The following MAML2 variants were observed in gnomAD, a reference collection of about 807,000 sequenced individuals.
The protein encoded by MAML2 is mastermind like transcriptional coactivator 2.
In MAML2, 22 loss-of-function variants were observed where a neutral mutation model predicts 96.1. That is an observed-to-expected ratio of 0.23 (90% CI 0.16 to 0.33). MAML2 has a LOEUF of 0.33. Ranked by LOEUF, MAML2 falls within the 10% of genes least tolerant of loss-of-function variation. The probability of loss-of-function intolerance (pLI) is 1.00; values close to 1 mark genes in which losing one functional copy is unlikely to be tolerated. For missense variants in MAML2, 1,367 were observed against 1,392.4 expected (o/e 0.98, Z 0.29); for synonymous variants, 561 against 521.3 (o/e 1.08, Z -1.04).
intron 1 of MAML2, among the ~76,000 whole-genome samples, chr11:96,279,077 G>T (rs966555846): frequency 1.3e-5 from 2 of 151,920 alleles, no homozygotes; most frequent in African/African-American, 4.8e-5. Flanking sequence ...TTCTGGTTAG[G>T]ATAAAAGACT....
chr11:96,050,670 T>C (rs968364225), intron 2 of MAML2, among the ~76,000 whole-genome samples: 2 of 152,196 alleles, frequency 1.3e-5, no homozygotes, highest in Non-Finnish European at 2.9e-5. Context: ...GGAGGAACTA[T>C]AAATGAACTG....
intron 3 of MAML2, among the ~76,000 whole-genome samples, chr11:95,989,892 G>T (rs966262922): frequency 9.9e-5 from 15 of 152,172 alleles, no homozygotes; most frequent in Admixed American, 8.5e-4. Flanking sequence ...CTTTAAAAGT[G>T]TGGTTGTTAT....
chr11:96,318,182 T>C (rs1389159558), intron 1 of MAML2, among the ~76,000 whole-genome samples: 1 of 152,192 alleles, frequency 6.6e-6, no homozygotes, highest in Non-Finnish European at 1.5e-5. Context: ...ATGTACCAGA[T>C]CCTGTAATAA....
At chr11:96,002,809 TG>T (rs1858107954) in intron 2 of MAML2, among the ~76,000 whole-genome samples, 1 of 135,848 alleles carries the variant, frequency 7.4e-6, no homozygotes, top group Admixed American at 7.8e-5. Context: ...ATGAAGATGA[TG>T]ATGGGGATGA....
At chr11:96,286,386 A>G (rs899891443) in intron 1 of MAML2, among the ~76,000 whole-genome samples, 6 of 152,218 alleles carry the variant, frequency 3.9e-5, no homozygotes, top group Admixed American at 6.5e-5. Context: ...TTTAATACCT[A>G]GGTGGTGGGT....
intron 1 of MAML2, among the ~76,000 whole-genome samples, chr11:96,256,410 T>G (rs1862669735): frequency 6.6e-6 from 1 of 152,148 alleles, no homozygotes; most frequent in African/African-American, 2.4e-5. Context: ...CGACCACATT[T>G]CTTCCTGCCC....
chr11:96,001,704 G>T (rs1028032923), intron 2 of MAML2, among the ~76,000 whole-genome samples: 1 of 152,062 alleles, frequency 6.6e-6, no homozygotes, highest in Non-Finnish European at 1.5e-5. Context: ...CTTGGATACA[G>T]CCTCTACACT....
At chr11:96,018,707 T>C (rs1033974824) in intron 2 of MAML2, among the ~76,000 whole-genome samples, 2 of 152,122 alleles carry the variant, frequency 1.3e-5, no homozygotes, top group African/African-American at 4.8e-5. Context: ...AGCAACTCTC[T>C]TGCCTCAGCC....
chr11:96,142,521 G>A (rs1006652483), intron 1 of MAML2, among the ~76,000 whole-genome samples: 4 of 152,148 alleles, frequency 2.6e-5, no homozygotes, highest in South Asian at 2.1e-4. Flanking sequence ...TAACCCTCAG[G>A]TTCCAGTACG....
rs749502756 is a variant in MAML2, at chr11:96,092,168, C to CTGCTGT, written c.1857_1862dup (p.Gln620_Gln621dup). 346 of 1,544,110 alleles carry CTGCTGT rather than the reference C, an allele frequency of 2.2e-4. 2 individuals carry two copies. In the African/African-American group the frequency reaches 4.3e-3, roughly 19 times the overall value. Reference sequence around the variant, plus strand: ...GCTGTTGTTGAGCTGAAATTGAACTCTGCTGTTGCTGTTGCTGTTGCTGTT... The same window carrying CTGCTGT: ...GCTGTTGTTGAGCTGAAATTGAACTCTGCTGTTGCTGTTGCTGTTGCTGTTGCTGTT... On this transcript the variant is annotated inframe_insertion, in exon 2 of 5. Transcript: ENST00000524717. The surrounding 1 kb of genome is among the most constrained non-coding windows in gnomAD (Gnocchi z 4.1).
intron 1 of MAML2, among the ~76,000 whole-genome samples, chr11:96,292,784 C>T (rs371741367): frequency 6.6e-6 from 1 of 152,178 alleles, no homozygotes; most frequent in East Asian, 1.9e-4. Flanking sequence ...TAGGCATATT[C>T]ATGAATAAGT....
intron 1 of MAML2, among the ~76,000 whole-genome samples, chr11:96,296,507 G>A (rs971700793): frequency 4.6e-5 from 7 of 152,152 alleles, no homozygotes; most frequent in African/African-American, 1.7e-4. Context: ...GCTGGGTGTG[G>A]TGGTGCATGC....
chr11:96,234,304 G>A (rs488384), intron 1 of MAML2, among the ~76,000 whole-genome samples: 136,642 of 152,092 alleles, frequency 0.9, 61,555 homozygotes, highest in Middle Eastern at 0.94. Flanking sequence ...CAACGTGGAG[G>A]AACCATGTCT....
intron 1 of MAML2, among the ~76,000 whole-genome samples, chr11:96,275,119 A>G (rs576897467): frequency 6.6e-6 from 1 of 152,154 alleles, no homozygotes; most frequent in Non-Finnish European, 1.5e-5. Flanking sequence ...CATTTAGGTT[A>G]CTTGCCCCTT....
chr11:96,340,707 G>A (rs1163735018), intron 1 of MAML2, among the ~76,000 whole-genome samples: 2 of 152,214 alleles, frequency 1.3e-5, no homozygotes, highest in South Asian at 2.1e-4. Flanking sequence ...GATTGGACTG[G>A]AGTGCTTGGG....
intron 2 of MAML2, among the ~76,000 whole-genome samples, chr11:96,002,671 A>ATGATGATGGGGATGATGAAG (rs1858101172): frequency 5.2e-4 from 1 of 1,916 alleles, no homozygotes; most frequent in South Asian, 0.019. Flanking sequence ...GATGATGAAG[A>ATGATGATGGGGATGATGAAG]ATAATGATGG....
chr11:96,134,379 A>G (rs535062043), intron 1 of MAML2, among the ~76,000 whole-genome samples: 1 of 152,286 alleles, frequency 6.6e-6, no homozygotes, highest in African/African-American at 2.4e-5. Flanking sequence ...CACATAATAC[A>G]TTTTTGATGC....
intron 1 of MAML2, among the ~76,000 whole-genome samples, chr11:96,190,281 A>C (rs574545050): frequency 1.3e-5 from 2 of 152,340 alleles, no homozygotes; most frequent in South Asian, 4.1e-4. Flanking sequence ...CTAGAAAGGA[A>C]GTACTGTTGC....
At chr11:96,160,747 G>C in intron 1 of MAML2, among the ~76,000 whole-genome samples, 1 of 152,140 alleles carries the variant, frequency 6.6e-6, no homozygotes, top group East Asian at 1.9e-4. Context: ...GATTTTTAAA[G>C]TAGGGACTAA....
Sources: allele counts gnomAD v4.1 joint callset (sites outside exome capture counted in the v4.1 genomes callset), GRCh38; gene constraint gnomAD v4.1.1; non-coding constraint Gnocchi (gnomAD v3.1); transcripts MANE v1.5; gene names NCBI Gene and HGNC (gene_info 2026-07-23, HGNC 2026-07-21).